GRIA2: variants seen among roughly 807,000 people sequenced by gnomAD.
The protein encoded by GRIA2 is glutamate receptor 2.
GRIA2 carries 14 observed loss-of-function variants against 97.3 expected under a neutral mutation model. The observed-to-expected ratio is 0.14, with a 90% CI of 0.10 to 0.23. GRIA2 has a LOEUF of 0.23. Ranked by LOEUF, GRIA2 falls within the 10% of genes least tolerant of loss-of-function variation. GRIA2 has a pLI of 1.00. For missense variants in GRIA2, 558 were observed against 1,069.8 expected (o/e 0.52, Z 6.67); for synonymous variants, 412 against 387.8 (o/e 1.06, Z -0.73).
chr4:157,256,989 A>T (rs562602943), intron 2 of GRIA2, among the ~76,000 whole-genome samples: 1 of 152,110 alleles, frequency 6.6e-6, no homozygotes, highest in Admixed American at 6.6e-5. Context: ...GGAAAGCATT[A>T]TTTTTTGTAG....
At chr4:157,273,652 G>T (rs945561541) in intron 2 of GRIA2, among the ~76,000 whole-genome samples, 2 of 151,994 alleles carry the variant, frequency 1.3e-5, no homozygotes, top group Non-Finnish European at 2.9e-5. Flanking sequence ...TGAACTTAAG[G>T]TTATGTCAAC....
Position 157,234,520 on chromosome 4 carries a change from A to T in GRIA2, c.229+12713A>T, listed in dbSNP as rs1391556197. Among the ~76,000 whole-genome samples, 11 of 152,276 alleles carry T rather than the reference A, an allele frequency of 7.2e-5. No individual in the cohort carries two copies. In the South Asian group the frequency reaches 1.7e-3, roughly 23 times the overall value. On this transcript the variant is annotated intron_variant, in intron 2 of 15. Coordinates refer to ENST00000264426, the MANE Select transcript of GRIA2 (RefSeq NM_001083619.3). ...ACAAGAACTAAATCATGCATAATTT[A>T]AAAAATGTAGATGATGGTTAACATT...
At chr4:157,352,551 A>T (rs1444593485) in intron 12 of GRIA2, among the ~76,000 whole-genome samples, 2 of 151,766 alleles carry the variant, frequency 1.3e-5, no homozygotes, top group African/African-American at 4.8e-5. Flanking sequence ...CCCCATCTCT[A>T]CTAAAAATAC....
At chr4:157,306,877 G>A (rs922563975) in intron 3 of GRIA2, among the ~76,000 whole-genome samples, 4 of 152,068 alleles carry the variant, frequency 2.6e-5, no homozygotes, top group African/African-American at 9.7e-5. Context: ...TTGCTTTAGT[G>A]TCACATGATT....
chr4:157,363,590 T>C lies in GRIA2; in HGVS notation c.*159T>C. 1.5e-5 allele frequency: 19 copies of C among 1,233,120 alleles called. No individual in the cohort carries two copies. The highest frequency in any genetic ancestry group is 1.9e-5 in the Non-Finnish European group (19 of 987,132). 76.4% of individuals were successfully genotyped at this position (1,233,120 alleles called of 1,614,324 possible). A position where few individuals can be genotyped will look rare whatever the true frequency, so the allele number is the denominator to read the frequency against. ...TGGGAATGAATGTCAGTGTGACTGA[T>C]CTCTCGTGATTGATAAGAACCTTTT... On this transcript the variant is annotated 3_prime_UTR_variant, in exon 16 of 16. Coordinates refer to ENST00000264426, the MANE Select transcript of GRIA2 (RefSeq NM_001083619.3).
chr4:157,332,696 G>T, intron 6 of GRIA2, 123 bp from the exon 7 acceptor site: 2 of 632,782 alleles, frequency 3.2e-6, no homozygotes, highest in Middle Eastern at 3.2e-4. Flanking sequence ...TGCAGAAATT[G>T]TGTTTAAATT....
intron 2 of GRIA2, among the ~76,000 whole-genome samples, chr4:157,286,077 A>G (rs958414309): frequency 1.3e-5 from 2 of 151,620 alleles, no homozygotes; most frequent in African/African-American, 2.4e-5. Flanking sequence ...CTATGTATCA[A>G]CCTTTGTAAA....
chr4:157,313,713 G>A (rs1175005355), intron 4 of GRIA2, among the ~76,000 whole-genome samples: 1 of 148,876 alleles, frequency 6.7e-6, no homozygotes, highest in Non-Finnish European at 1.5e-5. Context: ...AGCTGAAAAT[G>A]TGTGTGTGTG....
At chr4:157,254,646 C>T (rs995174628) in intron 2 of GRIA2, among the ~76,000 whole-genome samples, 3 of 151,876 alleles carry the variant, frequency 2.0e-5, no homozygotes, top group African/African-American at 7.3e-5. Context: ...TGGAACTATC[C>T]TGTGTTGAGG....
chr4:157,307,742 T>C (rs1350835532), intron 3 of GRIA2, among the ~76,000 whole-genome samples: 4 of 152,188 alleles, frequency 2.6e-5, no homozygotes, highest in Non-Finnish European at 4.4e-5. Flanking sequence ...AGAGAGTAGG[T>C]AAAAACAGAA....
chr4:157,325,434 A>G (rs1734760459), intron 6 of GRIA2, among the ~76,000 whole-genome samples: 1 of 152,140 alleles, frequency 6.6e-6, no homozygotes, highest in Admixed American at 6.6e-5. Flanking sequence ...TACTCAACAC[A>G]TATTTATTGT....
At chr4:157,336,826 A>C (rs1735307970) in intron 11 of GRIA2, 79 bp downstream of exon 11, 1 of 1,337,064 alleles carries the variant, frequency 7.5e-7, no homozygotes, top group African/African-American at 1.5e-5. Flanking sequence ...TTCACCCTAA[A>C]GAAGTTACCA....
chr4:157,357,370 G>A (rs1736429304), intron 12 of GRIA2, among the ~76,000 whole-genome samples: 1 of 152,170 alleles, frequency 6.6e-6, no homozygotes, highest in Admixed American at 6.6e-5. Context: ...TGAAAAGATA[G>A]GGTCATGAAA....
At position 157,220,834 on chromosome 4, in the gene GRIA2, C is replaced by T. The variant is rs1222117871; in HGVS notation, c.-209C>T. The T allele has an allele frequency of 1.0e-5, 6 of 574,626 alleles. No homozygotes were observed. The highest frequency in any genetic ancestry group is 2.9e-5 in the East Asian group (1 of 34,008). 35.6% of individuals were successfully genotyped at this position (574,626 alleles called of 1,614,324 possible). ...CAGCCAGTCCTCCGGACTTCTGGAG[C>T]GGGGACAGGGCGCAGGGCATCAGCA... On this transcript the variant is annotated 5_prime_UTR_variant, in exon 1 of 16. Coordinates refer to ENST00000264426, the MANE Select transcript of GRIA2 (RefSeq NM_001083619.3).
At chr4:157,355,951 T>TTTA (rs1736306229) in intron 12 of GRIA2, among the ~76,000 whole-genome samples, 3 of 68,068 alleles carry the variant, frequency 4.4e-5, no homozygotes, top group African/African-American at 7.5e-5. Flanking sequence ...TAATATATAT[T>TTTA]TATATATTTA....
chr4:157,234,174 A>G (rs924702703), intron 2 of GRIA2, among the ~76,000 whole-genome samples: 5 of 152,100 alleles, frequency 3.3e-5, no homozygotes, highest in African/African-American at 1.2e-4. Flanking sequence ...TCAGGTTTAA[A>G]TGATAGTAAC....
In GRIA2 at chr4:157,365,832, C is replaced by A. The variant is rs1347568621; in HGVS notation, c.*2401C>A. On this transcript the variant is annotated 3_prime_UTR_variant, in exon 16 of 16. Coordinates refer to ENST00000264426, the MANE Select transcript of GRIA2 (RefSeq NM_001083619.3). ...ATTCTTATGTAAATTTACAATTGTC[C>A]TTTACTGTACTTTTTTGTTTACAGT... is the stretch of plus-strand genomic sequence containing the variant. The A allele has an allele frequency of 6.6e-6, 1 of 151,704 alleles. No homozygotes were observed. The highest frequency in any genetic ancestry group is 1.5e-5 in the Non-Finnish European group (1 of 67,516). 9.4% of individuals were successfully genotyped at this position (151,704 alleles called of 1,614,324 possible). A position where few individuals can be genotyped will look rare whatever the true frequency, so the allele number is the denominator to read the frequency against.
At chr4:157,255,791 C>A (rs1234451143) in intron 2 of GRIA2, among the ~76,000 whole-genome samples, 1 of 151,564 alleles carries the variant, frequency 6.6e-6, no homozygotes, top group Admixed American at 6.6e-5. Context: ...GTAACAAAAA[C>A]CAAATAAACA....
chr4:157,222,977 G>A (rs992679709), intron 2 of GRIA2, among the ~76,000 whole-genome samples: 1 of 152,168 alleles, frequency 6.6e-6, no homozygotes, highest in South Asian at 2.1e-4. Context: ...ATTCTTTCCT[G>A]CCCTAATATT....
Sources: allele counts gnomAD v4.1 joint callset (sites outside exome capture counted in the v4.1 genomes callset), GRCh38; gene constraint gnomAD v4.1.1; transcripts MANE v1.5; gene names NCBI Gene and HGNC (gene_info 2026-07-23, HGNC 2026-07-21).